HIVEP3: variants seen among roughly 807,000 people sequenced by gnomAD.
The protein encoded by HIVEP3 is transcription factor HIVEP3.
Under a neutral mutation model 152.8 loss-of-function variants are expected in HIVEP3, and 49 were observed. The observed-to-expected ratio is 0.32, with a 90% CI of 0.26 to 0.41. The LOEUF (loss-of-function observed/expected upper bound fraction) is 0.41, where lower values mean the gene tolerates loss of function less well. Among genes scored for constraint, HIVEP3 ranks in the 10% least tolerant of loss-of-function variants. HIVEP3 has a pLI of 1.00. For missense variants in HIVEP3, 2,790 were observed against 3,103.3 expected (o/e 0.90, Z 2.40); for synonymous variants, 1,269 against 1,289.0 (o/e 0.98, Z 0.33).
intron 3 of HIVEP3, among the ~76,000 whole-genome samples, chr1:41,623,248 G>A (rs371721975): frequency 4.0e-4 from 61 of 152,308 alleles, no homozygotes; most frequent in African/African-American, 1.3e-3. Flanking sequence ...GAAGCGACAC[G>A]AGAAACCACG....
intron 1 of HIVEP3, among the ~76,000 whole-genome samples, chr1:42,011,365 T>A (rs1170416294): frequency 6.6e-6 from 1 of 152,254 alleles, no homozygotes. Flanking sequence ...GACTCACGTG[T>A]ATAAAGTCAA....
chr1:41,617,106 C>T (rs1185585920), intron 3 of HIVEP3, among the ~76,000 whole-genome samples: 2 of 152,202 alleles, frequency 1.3e-5, no homozygotes, highest in East Asian at 1.9e-4. Flanking sequence ...GGATCTGTCT[C>T]AATCTTGTTA....
intron 6 of HIVEP3, among the ~76,000 whole-genome samples, chr1:41,524,335 C>T (rs1049337792): frequency 1.6e-4 from 24 of 152,082 alleles, no homozygotes; most frequent in Admixed American, 9.2e-4. Context: ...TTTCCAAATG[C>T]AAGAGTGGCA....
At chr1:41,898,113 C>T (rs919755540) in intron 1 of HIVEP3, among the ~76,000 whole-genome samples, 9 of 152,202 alleles carry the variant, frequency 5.9e-5, no homozygotes, top group African/African-American at 2.2e-4. Flanking sequence ...TGTTTAACCT[C>T]CCAGCATCCT....
At chr1:41,552,485 G>A (rs1643905146) in intron 5 of HIVEP3, among the ~76,000 whole-genome samples, 1 of 147,118 alleles carries the variant, frequency 6.8e-6, no homozygotes, top group Admixed American at 6.8e-5. Flanking sequence ...TTTTGTTCTT[G>A]CAATAGTTTA....
chr1:41,944,922 TAAGA>T (rs1645066622), intron 1 of HIVEP3, among the ~76,000 whole-genome samples: 1 of 152,136 alleles, frequency 6.6e-6, no homozygotes. Flanking sequence ...CCTCAGACGC[TAAGA>T]AAGAAACGAT....
intron 1 of HIVEP3, among the ~76,000 whole-genome samples, chr1:41,795,635 C>G (rs1400304953): frequency 6.6e-6 from 1 of 152,036 alleles, no homozygotes; most frequent in Non-Finnish European, 1.5e-5. Context: ...CACTTTCTTC[C>G]CTTATTTATT....
At chr1:41,837,987 C>A (rs754391680) in intron 1 of HIVEP3, among the ~76,000 whole-genome samples, 3 of 152,180 alleles carry the variant, frequency 2.0e-5, no homozygotes, top group Non-Finnish European at 2.9e-5. Flanking sequence ...TCTGAATACA[C>A]CTTTGCTTTG....
intron 6 of HIVEP3, among the ~76,000 whole-genome samples, chr1:41,519,523 T>C (rs1411600916): frequency 1.3e-5 from 2 of 152,226 alleles, no homozygotes; most frequent in Non-Finnish European, 2.9e-5. Flanking sequence ...AACCGTGATG[T>C]GCTCACTGTT....
intron 1 of HIVEP3, among the ~76,000 whole-genome samples, chr1:41,935,618 C>G (rs1645016512): frequency 6.6e-6 from 1 of 151,436 alleles, no homozygotes. Context: ...CTCTCACTCT[C>G]TCTCTGTATA....
chr1:41,592,305 C>A (rs1644599582), intron 3 of HIVEP3, among the ~76,000 whole-genome samples: 1 of 152,184 alleles, frequency 6.6e-6, no homozygotes, highest in South Asian at 2.1e-4. Context: ...CCTCTCTGGG[C>A]CTCAGTTTTC....
At chr1:41,613,657 C>A (rs921100150) in intron 3 of HIVEP3, among the ~76,000 whole-genome samples, 1 of 152,198 alleles carries the variant, frequency 6.6e-6, no homozygotes, top group African/African-American at 2.4e-5. Flanking sequence ...AAACATAACT[C>A]TTTAAATGCT....
At chr1:41,781,709 C>A (rs1231005996) in intron 1 of HIVEP3, among the ~76,000 whole-genome samples, 1 of 152,200 alleles carries the variant, frequency 6.6e-6, no homozygotes, top group Non-Finnish European at 1.5e-5. Flanking sequence ...GGCCCCATAT[C>A]CACTGCTCCT....
chr1:41,520,007 A>G (rs1642719466), intron 6 of HIVEP3, among the ~76,000 whole-genome samples: 1 of 152,206 alleles, frequency 6.6e-6, no homozygotes, highest in African/African-American at 2.4e-5. Context: ...CAGAAGGATG[A>G]AAGAATGGGA....
Position 41,584,117 on chromosome 1 carries a change from G to C in HIVEP3, c.681C>G (p.Phe227Leu), listed in dbSNP as rs774895573. 6.2e-7 allele frequency: 1 copy of C among 1,614,150 alleles called. No homozygotes were observed. The change falls in exon 4 of 9, where the codon TTC becomes TTG. Residue 227 changes from phenylalanine to leucine, a missense_variant. Around this residue, in one of 9 missense-constraint regions of HIVEP3, gnomAD observed 25 missense variants for 75.9 expected, o/e 0.33. Transcript: ENST00000372583. The surrounding 1 kb of genome is among the most constrained non-coding windows in gnomAD (Gnocchi z 5.2). The part of the protein sequence containing the change: ...ERPYPCGPCG[F>L]SFKTKSNLYK... ...AGAGATTACTCTTGGTCTTGAAGGAGAAGCCACAGGGGCCGCAGGGGTAGG... is the reference window on the plus strand; with the variant it reads ...AGAGATTACTCTTGGTCTTGAAGGACAAGCCACAGGGGCCGCAGGGGTAGG...
intron 1 of HIVEP3, among the ~76,000 whole-genome samples, chr1:41,876,520 C>T (rs1644173337): frequency 6.6e-6 from 1 of 152,120 alleles, no homozygotes; most frequent in Non-Finnish European, 1.5e-5. Flanking sequence ...TAAAACAGTG[C>T]CTGGCCTATA....
intron 1 of HIVEP3, among the ~76,000 whole-genome samples, chr1:41,929,404 T>C (rs1021484218): frequency 1.3e-5 from 2 of 152,032 alleles, no homozygotes; most frequent in Non-Finnish European, 2.9e-5. Context: ...ATTCCCATTG[T>C]TGTTGTTGTT....
chr1:41,649,734 C>T (rs1015437461), intron 2 of HIVEP3, among the ~76,000 whole-genome samples: 2 of 152,068 alleles, frequency 1.3e-5, no homozygotes, highest in Non-Finnish European at 2.9e-5. Flanking sequence ...GCTCTGGAGA[C>T]GGAGTCCCCT....
intron 3 of HIVEP3, among the ~76,000 whole-genome samples, chr1:41,606,269 C>G (rs1440737166): frequency 6.6e-6 from 1 of 151,932 alleles, no homozygotes; most frequent in Non-Finnish European, 1.5e-5. Context: ...ATTTTCTGAT[C>G]TATCAACTTT....
Sources: gnomAD v4.1 joint callset for allele counts (sites outside exome capture counted in the v4.1 genomes callset) on GRCh38, gnomAD v4.1.1 for gene constraint, gnomAD v4.1.1 regional missense constraint, Gnocchi (gnomAD v3.1) non-coding constraint, MANE v1.5 for transcripts, NCBI Gene and HGNC (gene_info 2026-07-23, HGNC 2026-07-21) for gene names.